PAX7: variants seen among roughly 807,000 people sequenced by gnomAD.
PAX7 encodes the protein paired box 7.
A neutral mutation model predicts 50.7 loss-of-function variants in PAX7; 18 were observed. The ratio of observed to expected loss-of-function variants is 0.36; its 90% CI spans 0.25 to 0.53. The LOEUF (loss-of-function observed/expected upper bound fraction) is 0.53, where lower values mean the gene tolerates loss of function less well. PAX7 is among the 20% of genes least tolerant of loss of function. The pLI is 0.93. For synonymous variants in PAX7, 310 were observed against 290.4 expected, an observed-to-expected ratio of 1.07 and a Z score of -0.69; for missense variants, 644 against 702.9, an observed-to-expected ratio of 0.92 and a Z score of 0.95.
intron 4 of PAX7, among the ~76,000 whole-genome samples, chr1:18,664,784 G>T (rs561904101): frequency 6.6e-6 from 1 of 152,052 alleles, no homozygotes; most frequent in Non-Finnish European, 1.5e-5. Flanking sequence ...GCTCCCTGTT[G>T]TAATGCTCAT....
At chr1:18,686,605 C>T (rs1359587847) in intron 4 of PAX7, among the ~76,000 whole-genome samples, 1 of 152,140 alleles carries the variant, frequency 6.6e-6, no homozygotes, top group Non-Finnish European at 1.5e-5. Context: ...GTGGCCAATT[C>T]CACCTAATCC....
Position 18,687,397 on chromosome 1 carries a change from G to A in PAX7, c.587-4357G>A, listed in dbSNP as rs543686514. 1.3e-4 allele frequency among the ~76,000 whole-genome samples: 20 copies of A among 152,266 alleles called. No individual in the cohort carries two copies. The South Asian group carries it at 4.2e-3, about 32-fold the overall frequency. ...CAGGATTCCTGATTAGACCGGGGCT[G>A]TCCCAGAGGACCCTCAAACTCCTTC... On this transcript the variant is annotated intron_variant, in intron 4 of 8. Coordinates refer to ENST00000420770, the MANE Select transcript of PAX7 (RefSeq NM_001135254.2).
At position 18,735,943 on chromosome 1, in the gene PAX7, C is replaced by T; in HGVS notation, c.1402+65C>T. ...CTTCTCCCACCCCCAGGGCCTCCTG[C>T]TTGTTTATGGAGAGCTACAAGGTGG... On this transcript the variant is annotated intron_variant, in intron 8 of 8. Transcript: ENST00000420770. The surrounding 1 kb of genome is among the most constrained non-coding windows in gnomAD (Gnocchi z 4.0). The T allele has an allele frequency of 6.2e-7, 1 of 1,613,922 alleles. No individual in the cohort carries two copies. The highest frequency in any genetic ancestry group is 8.5e-7 in the Non-Finnish European group (1 of 1,180,016).
chr1:18,700,724 C>T lies in PAX7; in HGVS notation c.858C>T (p.His286=), dbSNP rs767919533. ...CCAACCAGCTGGCGGCGTTCAACCA[C>T]CTTCTGCCAGGAGGCTTCCCACCCA... ...AGANQLAAFN[H]LLPGGFPPTG... Residue 286 remains histidine, a synonymous_variant, in exon 6 of 9, where the codon CAC becomes CAT. Transcript: ENST00000420770. The surrounding 1 kb of genome is among the most constrained non-coding windows in gnomAD (Gnocchi z 4.8). 5 of 1,601,208 alleles carry T rather than the reference C, an allele frequency of 3.1e-6. No individual in the cohort carries two copies. The highest frequency in any genetic ancestry group is 1.7e-5 in the Admixed American group (1 of 58,238).
chr1:18,721,448 C>T (rs563598895), intron 7 of PAX7, among the ~76,000 whole-genome samples: 1 of 152,366 alleles, frequency 6.6e-6, no homozygotes, highest in African/African-American at 2.4e-5. Flanking sequence ...CGACCCCCTC[C>T]AGCCACCAGG....
chr1:18,709,643 T>C (rs1003359589), intron 7 of PAX7, among the ~76,000 whole-genome samples: 1 of 152,188 alleles, frequency 6.6e-6, no homozygotes, highest in Non-Finnish European at 1.5e-5. Context: ...TGACCCTCGT[T>C]TTACAGATGA....
chr1:18,671,236 A>G (rs1003390809), intron 4 of PAX7, among the ~76,000 whole-genome samples: 15 of 152,340 alleles, frequency 9.8e-5, no homozygotes, highest in African/African-American at 3.6e-4. Context: ...AGAGGGGGCC[A>G]GTGATGGAGG....
chr1:18,732,161 T>C lies in PAX7; in HGVS notation c.1156-3471T>C, dbSNP rs143662467. Among the ~76,000 whole-genome samples, 412 of 152,328 alleles carry C rather than the reference T, an allele frequency of 2.7e-3. 4 individuals carry two copies. The highest frequency in any genetic ancestry group is 9.5e-3 in the African/African-American group (393 of 41,574). Reference sequence around the variant, plus strand: ...GGAGGTCTTGCCTGACTGCCCCACATAGCCCCTTATTTTTCCTCCGTAGCA... The same window carrying C: ...GGAGGTCTTGCCTGACTGCCCCACACAGCCCCTTATTTTTCCTCCGTAGCA... On this transcript the variant is annotated intron_variant, in intron 7 of 8. Transcript: ENST00000420770.
At chr1:18,727,377 C>T (rs59567048) in intron 7 of PAX7, among the ~76,000 whole-genome samples, 23,890 of 96,758 alleles carry the variant, frequency 0.25, 1,984 homozygotes, top group African/African-American at 0.34. Context: ...CTCATACACA[C>T]ACACACACAC....
chr1:18,679,900 C>T (rs1461229075), intron 4 of PAX7, among the ~76,000 whole-genome samples: 1 of 152,162 alleles, frequency 6.6e-6, no homozygotes, highest in East Asian at 1.9e-4. Flanking sequence ...CTGAGGGATA[C>T]AGAAGTAAAA....
rs182633320 is a variant in PAX7, at chr1:18,703,401, A to T, written c.1155+105A>T. The T allele has an allele frequency of 1.3e-4, 134 of 1,020,944 alleles. No individual in the cohort carries two copies. In the East Asian group the frequency reaches 3.2e-3, roughly 24 times the overall value. 63.2% of individuals were successfully genotyped at this position (1,020,944 alleles called of 1,614,324 possible). On this transcript the variant is annotated intron_variant, in intron 7 of 8. Transcript: ENST00000420770. ...TTGCGCTCTTTCCTGTAGCAGGCTG[A>T]CTGCGGTTGGGGTTTTTGTTCTAGA...
At chr1:18,675,439 C>T (rs2088810321) in intron 4 of PAX7, among the ~76,000 whole-genome samples, 1 of 152,180 alleles carries the variant, frequency 6.6e-6, no homozygotes, top group African/African-American at 2.4e-5. Context: ...GGAACAGAGG[C>T]TCAGAGAGAC....
chr1:18,746,832 A>T lies in PAX7; in HGVS notation c.*1903A>T, dbSNP rs763996791. ...TCTCATCTTCAGACTTGGCGATATC[A>T]AGCCTGTTCTGGACCATGACCAGGC... On this transcript the variant is annotated 3_prime_UTR_variant, in exon 9 of 9. Coordinates refer to ENST00000420770, the MANE Select transcript of PAX7 (RefSeq NM_001135254.2). The T allele has an allele frequency of 4.3e-6, 1 of 231,566 alleles. No individual in the cohort carries two copies. The highest frequency in any genetic ancestry group is 8.5e-6 in the Non-Finnish European group (1 of 117,048). 14.3% of individuals were successfully genotyped at this position (231,566 alleles called of 1,614,324 possible). A position where few individuals can be genotyped will look rare whatever the true frequency, so the allele number is the denominator to read the frequency against.
intron 7 of PAX7, among the ~76,000 whole-genome samples, chr1:18,716,734 G>A (rs2089428733): frequency 6.6e-6 from 1 of 151,548 alleles, no homozygotes; most frequent in African/African-American, 2.4e-5. Context: ...TCCCATAGCT[G>A]GCCTCGCCTC....
At chr1:18,732,333 G>T (rs1381465172) in intron 7 of PAX7, among the ~76,000 whole-genome samples, 4 of 152,176 alleles carry the variant, frequency 2.6e-5, no homozygotes, top group Admixed American at 2.0e-4. Flanking sequence ...TATAATAGGT[G>T]CTCAGTAAAT....
At chr1:18,694,333 C>A (rs982873438) in intron 5 of PAX7, among the ~76,000 whole-genome samples, 7 of 151,902 alleles carry the variant, frequency 4.6e-5, no homozygotes, top group Admixed American at 2.6e-4. Context: ...CTAGCGCATG[C>A]CTGTAATCCC....
At chr1:18,692,013 G>T in intron 5 of PAX7, 60 bp downstream of exon 5, 1 of 1,520,792 alleles carries the variant, frequency 6.6e-7, no homozygotes, top group African/African-American at 1.4e-5. Flanking sequence ...AGAAGTTTGG[G>T]ATGGCCAAGG....
rs2089157842 is a variant in PAX7 at position 18,696,994 on chromosome 1, T to C, written c.787-3659T>C. On this transcript the variant is annotated intron_variant, in intron 5 of 8. Coordinates refer to ENST00000420770, the MANE Select transcript of PAX7 (RefSeq NM_001135254.2). The stretch of plus-strand genomic sequence containing the variant: ...GTGATTATTATACATTATATGTCTA[T>C]ATCAAAGATCCCCTCTATCCTATAA... 2.6e-5 allele frequency among the ~76,000 whole-genome samples: 4 copies of C among 152,150 alleles called. No homozygotes were observed. The South Asian group carries it at 8.3e-4, about 32-fold the overall frequency.
intron 7 of PAX7, among the ~76,000 whole-genome samples, chr1:18,721,809 C>T (rs1341787108): frequency 2.0e-5 from 3 of 152,204 alleles, no homozygotes; most frequent in African/African-American, 7.2e-5. Context: ...AGGCCCTGTG[C>T]AGAGTGGCAG....
Sources: allele counts gnomAD v4.1 joint callset (sites outside exome capture counted in the v4.1 genomes callset), GRCh38; gene constraint gnomAD v4.1.1; non-coding constraint Gnocchi (gnomAD v3.1); transcripts MANE v1.5; gene names NCBI Gene and HGNC (gene_info 2026-07-23, HGNC 2026-07-21).